The following MPPED1 variants were observed in gnomAD, a reference collection of about 807,000 sequenced individuals.
The protein encoded by MPPED1 is metallophosphoesterase domain containing 1.
MPPED1 carries 16 observed loss-of-function variants against 36.2 expected under a neutral mutation model. That is an observed-to-expected ratio of 0.44 (90% CI 0.30 to 0.67). MPPED1 has a LOEUF of 0.67. Among genes scored for constraint, MPPED1 ranks in the 30% least tolerant of loss-of-function variants. The pLI is 0.10. For synonymous variants in MPPED1, 199 were observed against 191.3 expected, an observed-to-expected ratio of 1.04 and a Z score of -0.33; for missense variants, 307 against 453.4, an observed-to-expected ratio of 0.68 and a Z score of 2.93.
At chr22:43,445,695 C>T (rs540086434) in intron 3 of MPPED1, among the ~76,000 whole-genome samples, 1 of 151,586 alleles carries the variant, frequency 6.6e-6, no homozygotes, top group African/African-American at 2.4e-5. Context: ...CACCTCACCC[C>T]GAGTAGCTGG....
chr22:43,435,939 G>C (rs1929943107), intron 3 of MPPED1, among the ~76,000 whole-genome samples: 1 of 152,200 alleles, frequency 6.6e-6, no homozygotes, highest in Non-Finnish European at 1.5e-5. Context: ...TGGTGCCAGG[G>C]TAGGTGCTCA....
At chr22:43,481,242 C>A (rs1007525985) in intron 4 of MPPED1, among the ~76,000 whole-genome samples, 1 of 152,144 alleles carries the variant, frequency 6.6e-6, no homozygotes. Context: ...GGTTTTTCCA[C>A]ATGGACACCC....
intron 3 of MPPED1, among the ~76,000 whole-genome samples, chr22:43,435,958 A>G (rs959829929): frequency 1.3e-5 from 2 of 152,198 alleles, no homozygotes; most frequent in East Asian, 1.9e-4. Flanking sequence ...CAGCTGGTTC[A>G]TCCTAGCTCA....
At position 43,494,613 on chromosome 22, in the gene MPPED1, G is replaced by T. The variant is rs542170645; in HGVS notation, c.633-3622G>T. Reference sequence around the variant, plus strand: ...ATCTTAGCTTGATTTCATCTACAAAGAACCTCTTTATAAATAAGGTCATAT... The same window carrying T: ...ATCTTAGCTTGATTTCATCTACAAATAACCTCTTTATAAATAAGGTCATAT... On this transcript the variant is annotated intron_variant, in intron 4 of 6. Transcript: ENST00000443721. Among the ~76,000 whole-genome samples the T allele has an allele frequency of 2.0e-5, 3 of 150,190 alleles. No homozygotes were observed. The South Asian group carries it at 6.3e-4, about 32-fold the overall frequency.
At chr22:43,445,030 G>A (rs78843690) in intron 3 of MPPED1, among the ~76,000 whole-genome samples, 1 of 152,268 alleles carries the variant, frequency 6.6e-6, no homozygotes, top group East Asian at 1.9e-4. Context: ...GGTTAACTAG[G>A]GTCTGAGCTT....
intron 3 of MPPED1, among the ~76,000 whole-genome samples, chr22:43,451,753 G>C (rs1051325255): frequency 6.6e-6 from 1 of 152,194 alleles, no homozygotes; most frequent in Non-Finnish European, 1.5e-5. Context: ...CCTGTGTCCC[G>C]GGTGAGTCCA....
At chr22:43,484,199 C>G (rs74409436) in intron 4 of MPPED1, among the ~76,000 whole-genome samples, 1 of 152,208 alleles carries the variant, frequency 6.6e-6, no homozygotes, top group Admixed American at 6.5e-5. Context: ...AGACTTTCCC[C>G]GCTGCTTCAT....
intron 2 of MPPED1, among the ~76,000 whole-genome samples, chr22:43,431,774 AAATCATTACTGTTGTTAT>A: frequency 6.6e-6 from 1 of 152,356 alleles, no homozygotes; most frequent in South Asian, 2.1e-4. Flanking sequence ...GGGATCATTG[AAATCATTACTGTTGTTAT>A]TATTTCAAAG....
intron 1 of MPPED1, among the ~76,000 whole-genome samples, chr22:43,419,774 G>A (rs185964391): frequency 7.2e-5 from 11 of 152,128 alleles, no homozygotes; most frequent in Admixed American, 3.3e-4. Context: ...CAGAGAGGTG[G>A]GTCCTGGAGT....
chr22:43,492,339 G>T (rs769421008), intron 4 of MPPED1, among the ~76,000 whole-genome samples: 26 of 152,100 alleles, frequency 1.7e-4, no homozygotes, highest in African/African-American at 4.6e-4. Context: ...AATCATGTGT[G>T]TGCATGTCAG....
chr22:43,429,992 A>T (rs1411587878), intron 2 of MPPED1, among the ~76,000 whole-genome samples: 1 of 152,092 alleles, frequency 6.6e-6, no homozygotes, highest in Non-Finnish European at 1.5e-5. Flanking sequence ...TTGTGGGAAG[A>T]GTACTGGGCA....
chr22:43,467,030 T>TA (rs1931196989), intron 3 of MPPED1, among the ~76,000 whole-genome samples: 1 of 152,194 alleles, frequency 6.6e-6, no homozygotes. Flanking sequence ...GAAGTATAGG[T>TA]ACAGCGTGGG....
At chr22:43,446,071 A>G (rs969317160) in intron 3 of MPPED1, among the ~76,000 whole-genome samples, 1 of 149,676 alleles carries the variant, frequency 6.7e-6, no homozygotes, top group African/African-American at 2.5e-5. Context: ...GGGTTTCACC[A>G]TGTTGCCCAG....
intron 5 of MPPED1, 89 bp downstream of exon 5, chr22:43,498,439 G>A (rs1421964757): frequency 1.0e-6 from 1 of 987,676 alleles, no homozygotes; most frequent in African/African-American, 1.6e-5. Flanking sequence ...CCTGTATAGG[G>A]GAGCCCTGGA....
chr22:43,434,022 G>A (rs537199263), intron 2 of MPPED1, among the ~76,000 whole-genome samples: 1 of 152,320 alleles, frequency 6.6e-6, no homozygotes, highest in East Asian at 1.9e-4. Flanking sequence ...GGTGCCGGGA[G>A]CCAGGGTCTT....
chr22:43,449,700 T>C (rs7289933), intron 3 of MPPED1, among the ~76,000 whole-genome samples: 8,594 of 152,240 alleles, frequency 0.056, 627 homozygotes, highest in African/African-American at 0.17. Context: ...GCTCAGACTC[T>C]GAACTGAAAC....
chr22:43,506,003 A>G lies in MPPED1; in HGVS notation c.*387A>G, dbSNP rs1008239555. On this transcript the variant is annotated 3_prime_UTR_variant, in exon 7 of 7. Transcript: ENST00000443721. Reference sequence around the variant, plus strand: ...AGTTACACAAAATCTCCCTCTAACCACGGGTCTGTGTGGCGGCATGCCCCT... The same window carrying G: ...AGTTACACAAAATCTCCCTCTAACCGCGGGTCTGTGTGGCGGCATGCCCCT... The G allele has an allele frequency of 7.9e-5, 13 of 165,010 alleles. No homozygotes were observed. The highest frequency in any genetic ancestry group is 3.2e-4 in the African/African-American group (13 of 40,712). The allele number at this position is 165,010 out of a possible 1,614,324, so 10.2% of individuals were successfully genotyped here. A position where few individuals can be genotyped will look rare whatever the true frequency, so the allele number is the denominator to read the frequency against.
chr22:43,454,366 G>A (rs1171068114), intron 3 of MPPED1, among the ~76,000 whole-genome samples: 1 of 152,280 alleles, frequency 6.6e-6, no homozygotes, highest in South Asian at 2.1e-4. Flanking sequence ...GAGTGCAGTG[G>A]TGTTCTTGGT....
chr22:43,444,979 G>A (rs1336249107), intron 3 of MPPED1, among the ~76,000 whole-genome samples: 1 of 152,136 alleles, frequency 6.6e-6, no homozygotes, highest in South Asian at 2.1e-4. Context: ...TCAGACGGAG[G>A]GCCTAGAATT....
Sources: allele counts gnomAD v4.1 joint callset (sites outside exome capture counted in the v4.1 genomes callset), GRCh38; gene constraint gnomAD v4.1.1; transcripts MANE v1.5; gene names NCBI Gene and HGNC (gene_info 2026-07-23, HGNC 2026-07-21).